The following PLCL2 variants were observed in gnomAD, a reference collection of about 807,000 sequenced individuals.
PLCL2 encodes the protein phospholipase C like 2.
A neutral mutation model predicts 79.6 loss-of-function variants in PLCL2; 4 were observed. That is an observed-to-expected ratio of 0.05 (90% CI 0.02 to 0.11). The LOEUF is 0.11. PLCL2 is among the 10% of genes least tolerant of loss of function. PLCL2 has a pLI of 1.00. For synonymous variants in PLCL2, 484 were observed against 457.7 expected (o/e 1.06, Z -0.73); for missense variants, 895 against 1,291.0 (o/e 0.69, Z 4.70).
intron 1 of PLCL2, among the ~76,000 whole-genome samples, chr3:16,975,756 G>A (rs2063919385): frequency 6.6e-6 from 1 of 152,182 alleles, no homozygotes; most frequent in Non-Finnish European, 1.5e-5. Context: ...TTGGGAAAAG[G>A]AAGTCGCTGG....
chr3:16,979,591 C>A (rs571664581), intron 1 of PLCL2, among the ~76,000 whole-genome samples: 1 of 125,534 alleles, frequency 8.0e-6, no homozygotes, highest in African/African-American at 3.1e-5. Flanking sequence ...CATCTTGCAC[C>A]GCCCTTAATC....
Position 17,011,869 on chromosome 3 carries a change from C to T in PLCL2, c.2523C>T (p.Phe841=). The change falls in exon 2 of 6, where the codon TTC becomes TTT. Residue 841 remains phenylalanine, a synonymous_variant. Coordinates refer to ENST00000615277, the MANE Select transcript of PLCL2 (RefSeq NM_001144382.2). This position sits in a 1 kb window ranked among gnomAD's most constrained non-coding sequence, Gnocchi z 7.9. ...VLDDDYIGDE[F]IGQYTIPFEC... is the part of the protein sequence containing the mutation. Reference sequence around the variant, plus strand: ...ATGATGACTACATTGGGGATGAATTCATCGGCCAGTACACAATTCCCTTTG... The same window carrying T: ...ATGATGACTACATTGGGGATGAATTTATCGGCCAGTACACAATTCCCTTTG... 6.2e-7 allele frequency: 1 copy of T among 1,614,230 alleles called. No homozygotes were observed. Among genetic ancestry groups the T allele is most frequent in the Non-Finnish European group, 8.5e-7 (1 of 1,180,040 alleles).
At chr3:17,071,886 G>A (rs1221580293) in intron 5 of PLCL2, among the ~76,000 whole-genome samples, 1 of 151,840 alleles carries the variant, frequency 6.6e-6, no homozygotes, top group South Asian at 2.1e-4. Context: ...GAGTCCAGTG[G>A]CACAATCTCG....
At chr3:17,060,060 G>A (rs1161949400) in intron 4 of PLCL2, among the ~76,000 whole-genome samples, 1 of 152,198 alleles carries the variant, frequency 6.6e-6, no homozygotes, top group Non-Finnish European at 1.5e-5. Context: ...ATTTCTCGGT[G>A]AAATGAAGTG....
At chr3:17,057,452 A>G (rs2064903045) in intron 4 of PLCL2, among the ~76,000 whole-genome samples, 1 of 152,198 alleles carries the variant, frequency 6.6e-6, no homozygotes, top group Non-Finnish European at 1.5e-5. Context: ...ACTCCCAGAA[A>G]AAGAATGTGA....
chr3:16,933,817 C>G (rs957618684), intron 1 of PLCL2, among the ~76,000 whole-genome samples: 1 of 152,060 alleles, frequency 6.6e-6, no homozygotes, highest in Non-Finnish European at 1.5e-5. Flanking sequence ...TCTGTAATCC[C>G]AGCTCTCTTG....
intron 1 of PLCL2, among the ~76,000 whole-genome samples, chr3:16,901,289 G>C (rs34172161): frequency 0.65 from 98,615 of 152,092 alleles, 32,260 homozygotes; most frequent in East Asian, 0.86. Flanking sequence ...AGACTCTTCA[G>C]AATGTGGGGG....
intron 1 of PLCL2, among the ~76,000 whole-genome samples, chr3:17,002,829 A>G (rs1273478358): frequency 1.3e-5 from 2 of 151,922 alleles, no homozygotes; most frequent in East Asian, 1.9e-4. Flanking sequence ...GATAATTTCT[A>G]TTGACCTATC....
At chr3:17,017,792 T>C (rs1422673101) in intron 3 of PLCL2, among the ~76,000 whole-genome samples, 1 of 152,216 alleles carries the variant, frequency 6.6e-6, no homozygotes, top group Non-Finnish European at 1.5e-5. Context: ...GTATTTATGC[T>C]ATCAAGATTG....
chr3:16,969,133 A>G (rs142472241), intron 1 of PLCL2, among the ~76,000 whole-genome samples: 1 of 152,118 alleles, frequency 6.6e-6, no homozygotes, highest in East Asian at 1.9e-4. Context: ...GTGTTGCTGG[A>G]TTAAGTTTGC....
Position 17,010,628 on chromosome 3 carries a change from A to G in PLCL2, c.1282A>G (p.Met428Val), listed in dbSNP as rs2064311444. ...DPEHKKVCQD[M>V]KQPLSHYFIN... ...AGAACATAAGAAGGTCTGTCAGGATATGAAGCAACCTCTGTCTCATTACTT... is the reference window on the plus strand; with the variant it reads ...AGAACATAAGAAGGTCTGTCAGGATGTGAAGCAACCTCTGTCTCATTACTT... The change falls in exon 2 of 6, where the codon ATG becomes GTG. Residue 428 changes from methionine (M) to valine (V), a missense_variant. Coordinates refer to ENST00000615277, the MANE Select transcript of PLCL2 (RefSeq NM_001144382.2). This position sits in a 1 kb window ranked among gnomAD's most constrained non-coding sequence, Gnocchi z 5.8. 1 of 1,614,120 alleles carries G rather than the reference A, an allele frequency of 6.2e-7. No individual in the cohort carries two copies.
intron 1 of PLCL2, among the ~76,000 whole-genome samples, chr3:16,985,300 T>C (rs2064038081): frequency 6.6e-6 from 1 of 152,126 alleles, no homozygotes; most frequent in Non-Finnish European, 1.5e-5. Context: ...ATCTTTCATC[T>C]CCACTACATG....
chr3:17,010,343 G>C lies in PLCL2; in HGVS notation c.997G>C (p.Glu333Gln). The change falls in exon 2 of 6, where the codon GAG (glutamate) becomes CAG (glutamine). Residue 333 changes from glutamate to glutamine, a missense_variant. Glu to Gln is a conservative substitution (Grantham distance 29). Around this residue, in one of 6 missense-constraint regions of PLCL2, gnomAD observed 93 missense variants for 93.2 expected, o/e 1.00. Coordinates refer to ENST00000615277, the MANE Select transcript of PLCL2 (RefSeq NM_001144382.2). The surrounding 1 kb of genome is among the most constrained non-coding windows in gnomAD (Gnocchi z 5.8). ...GTEVTKEEFIEVFHELCTRPE... is the reference protein window; with the variant it reads ...GTEVTKEEFIQVFHELCTRPE... Reference sequence around the variant, plus strand: ...CGAGGTCACAAAGGAAGAATTTATTGAGGTTTTTCATGAGCTTTGTACTAG... The same window carrying C: ...CGAGGTCACAAAGGAAGAATTTATTCAGGTTTTTCATGAGCTTTGTACTAG... 1 of 1,614,006 alleles carries C rather than the reference G, an allele frequency of 6.2e-7. No homozygotes were observed. Among genetic ancestry groups the C allele is most frequent in the Non-Finnish European group, 8.5e-7 (1 of 1,179,990 alleles).
chr3:17,057,903 C>G (rs1035007101), intron 4 of PLCL2, among the ~76,000 whole-genome samples: 1 of 152,226 alleles, frequency 6.6e-6, no homozygotes, highest in African/African-American at 2.4e-5. Flanking sequence ...CGAGCTCTTA[C>G]TCTCCGTCTG....
intron 5 of PLCL2, among the ~76,000 whole-genome samples, chr3:17,086,272 A>G (rs1464413447): frequency 6.6e-6 from 1 of 152,246 alleles, no homozygotes; most frequent in African/African-American, 2.4e-5. Flanking sequence ...GAGCCCAGAA[A>G]TAGACCCACA....
Position 17,010,137 on chromosome 3 carries a change from A to G in PLCL2, c.791A>G (p.Gln264Arg). The stretch of plus-strand genomic sequence containing the variant: ...ACACTTGATATGTTAGAAAGTAGCC[A>G]AGATAACATGAGGACTTCTTGGGTT... ...KHTLDMLESS[Q>R]DNMRTSWVSQ... is the part of the protein sequence containing the mutation. Residue 264 changes from glutamine to arginine, a missense_variant, in exon 2 of 6, where the codon CAA (glutamine) becomes CGA (arginine). This residue lies in a region of PLCL2 where 129 missense variants were observed against 208.8 expected (regional missense o/e 0.62). Coordinates refer to ENST00000615277, the MANE Select transcript of PLCL2 (RefSeq NM_001144382.2). This position sits in a 1 kb window ranked among gnomAD's most constrained non-coding sequence, Gnocchi z 5.8. The G allele has an allele frequency of 6.2e-7, 1 of 1,614,118 alleles. No homozygotes were observed. Among genetic ancestry groups the G allele is most frequent in the South Asian group, 1.1e-5 (1 of 91,084 alleles).
intron 1 of PLCL2, among the ~76,000 whole-genome samples, chr3:16,927,151 A>G (rs1327457628): frequency 6.6e-6 from 1 of 152,204 alleles, no homozygotes; most frequent in Non-Finnish European, 1.5e-5. Context: ...CCCTTTTAGC[A>G]CTACCTTTAA....
chr3:17,000,596 C>T (rs1055030845), intron 1 of PLCL2, among the ~76,000 whole-genome samples: 2 of 152,002 alleles, frequency 1.3e-5, no homozygotes, highest in African/African-American at 4.8e-5. Flanking sequence ...CCTTCCTGCC[C>T]TTCCCAAGCC....
At chr3:16,891,581 C>G (rs1275644117) in intron 1 of PLCL2, among the ~76,000 whole-genome samples, 1 of 152,218 alleles carries the variant, frequency 6.6e-6, no homozygotes, top group Admixed American at 6.5e-5. Context: ...ATAGCCCCAA[C>G]TATGGGATCA....
Sources: allele counts gnomAD v4.1 joint callset (sites outside exome capture counted in the v4.1 genomes callset), GRCh38; gene constraint gnomAD v4.1.1; regional missense constraint gnomAD v4.1.1; non-coding constraint Gnocchi (gnomAD v3.1); transcripts MANE v1.5; gene names NCBI Gene and HGNC (gene_info 2026-07-23, HGNC 2026-07-21).